Variants in RERE observed in about 807,000 individuals in gnomAD.
The protein encoded by RERE is arginine-glutamic acid dipeptide repeats.
RERE carries 40 observed loss-of-function variants against 146.1 expected under a neutral mutation model. That is an observed-to-expected ratio of 0.27 (90% CI 0.21 to 0.36). The LOEUF is 0.36. Ranked by LOEUF, RERE falls within the 10% of genes least tolerant of loss-of-function variation. The pLI is 1.00. For synonymous variants in RERE, 1,003 were observed against 866.0 expected (o/e 1.16, Z -2.78); for missense variants, 1,933 against 2,138.7 (o/e 0.90, Z 1.90).
At chr1:8,405,237 A>C (rs1643405178) in intron 12 of RERE, among the ~76,000 whole-genome samples, 1 of 152,198 alleles carries the variant, frequency 6.6e-6, no homozygotes, top group Non-Finnish European at 1.5e-5. Context: ...AAAAATGCAC[A>C]CACTACTTGA....
At chr1:8,759,325 G>A (rs1365438541) in intron 1 of RERE, among the ~76,000 whole-genome samples, 2 of 152,106 alleles carry the variant, frequency 1.3e-5, no homozygotes, top group African/African-American at 4.8e-5. Flanking sequence ...AGGTCACTTG[G>A]AAAAGAGCAT....
intron 12 of RERE, 102 bp from the exon 13 acceptor site, chr1:8,366,076 C>T: frequency 8.2e-7 from 1 of 1,215,028 alleles, no homozygotes; most frequent in Non-Finnish European, 1.2e-6. Flanking sequence ...AACAGCTGTG[C>T]CAGAGATGAG....
intron 4 of RERE, among the ~76,000 whole-genome samples, chr1:8,580,660 C>A (rs1293863634): frequency 6.6e-6 from 1 of 152,150 alleles, no homozygotes; most frequent in African/African-American, 2.4e-5. Flanking sequence ...TTCTCTCAAG[C>A]ACTTTCCCAG....
intron 8 of RERE, among the ~76,000 whole-genome samples, chr1:8,498,287 G>A (rs1325892719): frequency 6.6e-6 from 1 of 152,202 alleles, no homozygotes; most frequent in Non-Finnish European, 1.5e-5. Context: ...AAACCCGGGA[G>A]GCAGAGGTTG....
At chr1:8,391,817 C>T (rs556195583) in intron 12 of RERE, among the ~76,000 whole-genome samples, 2 of 152,222 alleles carry the variant, frequency 1.3e-5, no homozygotes, top group East Asian at 3.9e-4. Context: ...AGGTGGATCG[C>T]CTGAGGTCAG....
At chr1:8,665,148 C>T (rs1453927094) in intron 1 of RERE, among the ~76,000 whole-genome samples, 3 of 152,198 alleles carry the variant, frequency 2.0e-5, no homozygotes, top group Admixed American at 2.0e-4. Flanking sequence ...TAATGCTCTT[C>T]GTCTGGCCTA....
intron 1 of RERE, among the ~76,000 whole-genome samples, chr1:8,791,269 T>A (rs1227772496): frequency 6.6e-6 from 1 of 152,202 alleles, no homozygotes; most frequent in Admixed American, 6.5e-5. Context: ...CAAGATAGTA[T>A]ATGCACACTT....
chr1:8,694,071 A>G (rs1639268143), intron 1 of RERE, among the ~76,000 whole-genome samples: 1 of 151,004 alleles, frequency 6.6e-6, no homozygotes, highest in Non-Finnish European at 1.5e-5. Context: ...TAATCCTTAC[A>G]TTTTCCGCAC....
At chr1:8,639,948 G>A (rs1647154763) in intron 2 of RERE, among the ~76,000 whole-genome samples, 1 of 152,076 alleles carries the variant, frequency 6.6e-6, no homozygotes, top group Non-Finnish European at 1.5e-5. Flanking sequence ...GTTATACAGA[G>A]CTTTACAAAT....
chr1:8,784,351 T>G (rs1193122708), intron 1 of RERE, among the ~76,000 whole-genome samples: 1 of 152,228 alleles, frequency 6.6e-6, no homozygotes, highest in African/African-American at 2.4e-5. Context: ...TATCTATTTT[T>G]TTCCACAGCA....
chr1:8,398,776 G>T (rs937721253), intron 12 of RERE, among the ~76,000 whole-genome samples: 1 of 152,124 alleles, frequency 6.6e-6, no homozygotes, highest in African/African-American at 2.4e-5. Context: ...ATCTGGCACA[G>T]GGCCTTGCTA....
At chr1:8,605,642 G>A (rs1006360812) in intron 4 of RERE, among the ~76,000 whole-genome samples, 1 of 149,390 alleles carries the variant, frequency 6.7e-6, no homozygotes, top group African/African-American at 2.5e-5. Flanking sequence ...TCAGCTACTT[G>A]GGAAGCTGAG....
At chr1:8,792,556 G>A (rs1371968091) in intron 1 of RERE, 2 of 152,146 alleles carry the variant, frequency 1.3e-5, no homozygotes, top group Non-Finnish European at 1.5e-5. Flanking sequence ...CCGGTGCTGA[G>A]CGCACATACA....
chr1:8,505,069 G>A (rs752837568), intron 8 of RERE, among the ~76,000 whole-genome samples: 2 of 152,168 alleles, frequency 1.3e-5, no homozygotes, highest in Non-Finnish European at 2.9e-5. Context: ...AATCTAGACT[G>A]CAGAACACCC....
At chr1:8,802,642 T>A (rs1432963355) in intron 1 of RERE, among the ~76,000 whole-genome samples, 1 of 152,234 alleles carries the variant, frequency 6.6e-6, no homozygotes, top group East Asian at 1.9e-4. Context: ...CAACACCTTT[T>A]GAGGCACTTT....
intron 11 of RERE, among the ~76,000 whole-genome samples, chr1:8,446,914 C>T (rs1644329351): frequency 6.6e-6 from 1 of 151,792 alleles, no homozygotes; most frequent in Non-Finnish European, 1.5e-5. Context: ...CTCCTGACCT[C>T]GTGATCCGCC....
chr1:8,648,151 G>A (rs552559706), intron 2 of RERE, among the ~76,000 whole-genome samples: 2 of 152,190 alleles, frequency 1.3e-5, no homozygotes, highest in Non-Finnish European at 2.9e-5. Context: ...GATTAGTTGT[G>A]GCTGTTTTAA....
At chr1:8,548,193 G>C (rs1645889872) in intron 6 of RERE, among the ~76,000 whole-genome samples, 1 of 152,188 alleles carries the variant, frequency 6.6e-6, no homozygotes, top group South Asian at 2.1e-4. Flanking sequence ...AATGCTGGAA[G>C]GATGATCCAG....
chr1:8,505,083 AG>A (rs1395471937), intron 8 of RERE, among the ~76,000 whole-genome samples: 1 of 152,234 alleles, frequency 6.6e-6, no homozygotes, highest in Non-Finnish European at 1.5e-5. Context: ...AACACCCTAC[AG>A]GATGAAATAG....
Sources: gnomAD v4.1 joint callset for allele counts (sites outside exome capture counted in the v4.1 genomes callset) on GRCh38, gnomAD v4.1.1 for gene constraint, MANE v1.5 for transcripts, NCBI Gene and HGNC (gene_info 2026-07-23, HGNC 2026-07-21) for gene names.